ATP2C1: variants seen among roughly 807,000 people sequenced by gnomAD.
The protein encoded by ATP2C1 is calcium-transporting ATPase type 2C member 1.
ATP2C1 carries 31 observed loss-of-function variants against 120.5 expected under a neutral mutation model. That is an observed-to-expected ratio of 0.26 (90% CI 0.19 to 0.35). The LOEUF (loss-of-function observed/expected upper bound fraction) is 0.35, where lower values mean the gene tolerates loss of function less well. Ranked by LOEUF, ATP2C1 falls within the 10% of genes least tolerant of loss-of-function variation. The pLI is 1.00. For synonymous variants in ATP2C1, 351 were observed against 358.7 expected (o/e 0.98, Z 0.24); for missense variants, 731 against 1,107.5 (o/e 0.66, Z 4.83).
intron 2 of ATP2C1, among the ~76,000 whole-genome samples, chr3:130,897,672 A>G (rs1162885044): frequency 2.6e-5 from 4 of 152,132 alleles, no homozygotes; most frequent in African/African-American, 7.2e-5. Flanking sequence ...TCCTTCAGCA[A>G]TGGTGGTATT....
rs557208155 is a variant in ATP2C1, at chr3:130,980,658, G to T, written c.1818G>T (p.Gln606His). The T allele has an allele frequency of 1.3e-5, 21 of 1,613,082 alleles. No individual in the cohort carries two copies. The African/African-American group carries it at 2.3e-4, about 17-fold the overall frequency. The change falls in exon 20 of 28, where the codon CAG becomes CAT. Residue 606 changes from glutamine (Q) to histidine (H), a missense_variant. By Grantham distance (24) the Gln-to-His change is conservative. This residue lies in a region of ATP2C1 where 571 missense variants were observed against 845.9 expected (regional missense o/e 0.67). Coordinates refer to ENST00000510168, the MANE Select transcript of ATP2C1 (RefSeq NM_001378687.1). ...AAATAGATGCAATGGATGTTCAGCA[G>T]CTTTCACAAATAGTACCAAAGGTAG... The part of the protein sequence containing the change: ...GEEIDAMDVQ[Q>H]LSQIVPKVAV...
At chr3:130,935,843 T>C (rs1005870378) in intron 5 of ATP2C1, among the ~76,000 whole-genome samples, 1 of 152,274 alleles carries the variant, frequency 6.6e-6, no homozygotes, top group East Asian at 1.9e-4. Context: ...TTCATAATAA[T>C]TTATGTAATG....
chr3:130,936,635 AC>A (rs2059681456), intron 5 of ATP2C1, among the ~76,000 whole-genome samples: 1 of 150,910 alleles, frequency 6.6e-6, no homozygotes, highest in Non-Finnish European at 1.5e-5. Flanking sequence ...ACATGGTGAA[AC>A]CCCGTCTCTA....
Position 130,894,760 on chromosome 3 carries a change from T to G in ATP2C1, c.-10T>G. 6.2e-7 allele frequency: 1 copy of G among 1,614,214 alleles called. No individual in the cohort carries two copies. Among genetic ancestry groups the G allele is most frequent in the Non-Finnish European group, 8.5e-7 (1 of 1,180,028 alleles). ...TGTAGCCATCAACCCGAGTGCAGTT[T>G]CGATGGAAAATGAAGGTAAAGGCCC... On this transcript the variant is annotated 5_prime_UTR_variant, in exon 2 of 28. Transcript: ENST00000510168. The surrounding 1 kb of genome is among the most constrained non-coding windows in gnomAD (Gnocchi z 4.5).
chr3:130,864,181 A>G (rs538701420), intron 1 of ATP2C1, among the ~76,000 whole-genome samples: 1 of 152,320 alleles, frequency 6.6e-6, no homozygotes, highest in Non-Finnish European at 1.5e-5. Context: ...GAGATGAGGA[A>G]CTTGTTGAGA....
At chr3:130,864,316 T>A (rs1349500258) in intron 1 of ATP2C1, among the ~76,000 whole-genome samples, 2 of 152,196 alleles carry the variant, frequency 1.3e-5, no homozygotes, top group Non-Finnish European at 2.9e-5. Flanking sequence ...CAGAAAAAAT[T>A]TCTAAGCTGC....
chr3:130,903,692 C>T (rs998267300), intron 2 of ATP2C1, among the ~76,000 whole-genome samples: 1 of 118,508 alleles, frequency 8.4e-6, no homozygotes, highest in African/African-American at 3.1e-5. Context: ...TTTCCCATTT[C>T]CCCTTTCCCC....
In ATP2C1 at chr3:130,996,758, G is replaced by A. The variant is rs773994389; in HGVS notation, c.2205G>A (p.Leu735=). ...FPNPLNAMQI[L]WINIIMDGPP... is the part of the protein sequence containing the mutation. The stretch of plus-strand genomic sequence containing the variant: ...ATCCTCTCAATGCCATGCAGATTTT[G>A]TGGATCAATATTATTATGGATGGAC... The change falls in exon 24 of 28, where the codon TTG becomes TTA. Residue 735 remains leucine (L), a synonymous_variant. Coordinates refer to ENST00000510168, the MANE Select transcript of ATP2C1 (RefSeq NM_001378687.1). The A allele has an allele frequency of 1.2e-6, 2 of 1,612,872 alleles. No individual in the cohort carries two copies. The highest frequency in any genetic ancestry group is 1.7e-6 in the Non-Finnish European group (2 of 1,178,940).
At chr3:130,959,637 A>G (rs1377069939) in intron 12 of ATP2C1, 1 of 174,052 alleles carries the variant, frequency 5.7e-6, no homozygotes, top group African/African-American at 2.4e-5. Flanking sequence ...AACATGAAAG[A>G]GAAAGTTCAC....
chr3:130,928,509 A>T (rs139355254), intron 2 of ATP2C1, among the ~76,000 whole-genome samples: 1 of 152,228 alleles, frequency 6.6e-6, no homozygotes, highest in Non-Finnish European at 1.5e-5. Flanking sequence ...GTCATATTGC[A>T]TGCTGGGTAC....
At chr3:130,917,071 G>C (rs1036928793) in intron 2 of ATP2C1, among the ~76,000 whole-genome samples, 1 of 152,158 alleles carries the variant, frequency 6.6e-6, no homozygotes, top group African/African-American at 2.4e-5. Flanking sequence ...CTGTACTTCT[G>C]TTCTTCACTT....
rs2060474923 is a variant in ATP2C1 at position 130,953,921 on chromosome 3, C to T, written c.632C>T (p.Ala211Val). The T allele has an allele frequency of 6.2e-7, 1 of 1,613,946 alleles. No individual in the cohort carries two copies. The change falls in exon 9 of 28, where the codon GCA becomes GTA. Residue 211 changes from alanine to valine, a missense_variant. Coordinates refer to ENST00000510168, the MANE Select transcript of ATP2C1 (RefSeq NM_001378687.1). Reference protein sequence around the residue: ...PQPAATNGDLASRSNIAFMGT... With the variant: ...PQPAATNGDLVSRSNIAFMGT... ...CCAGCTGCAACTAATGGAGATCTTG[C>T]ATCGAGAAGTAACATTGCCTTTATG...
chr3:130,989,766 C>A (rs74408331), intron 20 of ATP2C1, among the ~76,000 whole-genome samples: 1 of 152,224 alleles, frequency 6.6e-6, no homozygotes, highest in Non-Finnish European at 1.5e-5. Context: ...CTCACAGTCA[C>A]AACCTTTCAT....
intron 17 of ATP2C1, among the ~76,000 whole-genome samples, chr3:130,972,571 C>T (rs1024192634): frequency 6.6e-6 from 1 of 150,402 alleles, no homozygotes; most frequent in Non-Finnish European, 1.5e-5. Flanking sequence ...GTGCTGCACC[C>T]ATTAACTCAT....
At chr3:130,941,410 C>G (rs2059914534) in intron 7 of ATP2C1, among the ~76,000 whole-genome samples, 181 bp from the exon 8 acceptor site, 1 of 152,144 alleles carries the variant, frequency 6.6e-6, no homozygotes, top group Non-Finnish European at 1.5e-5. Flanking sequence ...TACATTTGAA[C>G]AAATAATTTG....
At position 130,894,107 on chromosome 3, in the gene ATP2C1, C is replaced by A. The variant is rs777195269; in HGVS notation, c.-411C>A. On this transcript the variant is annotated 5_prime_UTR_variant, in exon 1 of 28. Transcript: ENST00000510168. This position sits in a 1 kb window ranked among gnomAD's most constrained non-coding sequence, Gnocchi z 4.5. ...GCAGACCAGCACGGCCTCGCGGAGCCGGCCCGGCGGACCGTGACGGGTCCC... is the reference window on the plus strand; with the variant it reads ...GCAGACCAGCACGGCCTCGCGGAGCAGGCCCGGCGGACCGTGACGGGTCCC... 10 of 972,852 alleles carry A rather than the reference C, an allele frequency of 1.0e-5. No homozygotes were observed. Among genetic ancestry groups the A allele is most frequent in the African/African-American group, 1.8e-5 (1 of 57,082 alleles). 60.3% of individuals were successfully genotyped at this position (972,852 alleles called of 1,614,324 possible).
chr3:130,954,330 T>G (rs1413374606), intron 9 of ATP2C1, among the ~76,000 whole-genome samples: 1 of 152,216 alleles, frequency 6.6e-6, no homozygotes, highest in East Asian at 1.9e-4. Context: ...CGATTTCAAA[T>G]GCTTCCTTTC....
At chr3:130,960,049 A>G (rs1466265425) in intron 12 of ATP2C1, among the ~76,000 whole-genome samples, 1 of 152,176 alleles carries the variant, frequency 6.6e-6, no homozygotes, top group Non-Finnish European at 1.5e-5. Flanking sequence ...GAAAGGATTC[A>G]CTAAATACCA....
intron 22 of ATP2C1, among the ~76,000 whole-genome samples, chr3:130,994,883 A>G (rs1414158971): frequency 2.6e-5 from 4 of 152,210 alleles, no homozygotes; most frequent in Non-Finnish European, 4.4e-5. Context: ...ATTAAAAAGC[A>G]TAGATTTTCC....
Sources: gnomAD v4.1 joint callset for allele counts (sites outside exome capture counted in the v4.1 genomes callset) on GRCh38, gnomAD v4.1.1 for gene constraint, gnomAD v4.1.1 regional missense constraint, Gnocchi (gnomAD v3.1) non-coding constraint, MANE v1.5 for transcripts, NCBI Gene and HGNC (gene_info 2026-07-23, HGNC 2026-07-21) for gene names.